The following STK33 variants were observed in gnomAD, a reference collection of about 807,000 sequenced individuals.
STK33 encodes serine/threonine kinase 33.
In STK33, 52 loss-of-function variants were observed where a neutral mutation model predicts 58.0. The ratio of observed to expected loss-of-function variants is 0.90; its 90% CI spans 0.72 to 1.13. The LOEUF is 1.13. STK33 is among the 50% of genes most tolerant of loss of function. The probability of loss-of-function intolerance (pLI) is 0.00; values close to 1 mark genes in which losing one functional copy is unlikely to be tolerated. For synonymous variants in STK33, 215 were observed against 200.1 expected (o/e 1.07, Z -0.63); for missense variants, 630 against 604.2 (o/e 1.04, Z -0.45).
intron 1 of STK33, among the ~76,000 whole-genome samples, chr11:8,502,929 C>A (rs187298382): frequency 7.2e-4 from 110 of 152,200 alleles, no homozygotes; most frequent in African/African-American, 2.5e-3. Flanking sequence ...CAATGAGATA[C>A]CATTTCATAC....
intron 1 of STK33, among the ~76,000 whole-genome samples, chr11:8,484,306 A>G (rs143890700): frequency 8.7e-4 from 133 of 152,350 alleles, no homozygotes; most frequent in African/African-American, 2.4e-3. Flanking sequence ...TGGAGGCTTT[A>G]TTACTGTTGT....
At chr11:8,416,618 C>G (rs1409117475) in intron 14 of STK33, among the ~76,000 whole-genome samples, 2 of 152,158 alleles carry the variant, frequency 1.3e-5, no homozygotes, top group East Asian at 1.9e-4. Context: ...TATTTTGAAT[C>G]TGCATCTCTA....
At chr11:8,564,071 C>T (rs750174711) in intron 1 of STK33, among the ~76,000 whole-genome samples, 3 of 152,068 alleles carry the variant, frequency 2.0e-5, no homozygotes, top group Non-Finnish European at 2.9e-5. Context: ...TTTTCAGGAG[C>T]GGAGTGGCAT....
intron 14 of STK33, among the ~76,000 whole-genome samples, chr11:8,420,712 A>T (rs1162666560): frequency 6.6e-6 from 1 of 152,224 alleles, no homozygotes; most frequent in African/African-American, 2.4e-5. Flanking sequence ...AAAAAGGAAT[A>T]TTGACCAGGT....
rs773579735 is a variant in STK33, at chr11:8,392,449, C to T, written c.*61G>A. The T allele has an allele frequency of 9.4e-6, 15 of 1,592,406 alleles. No homozygotes were observed. Among genetic ancestry groups the T allele is most frequent in the Non-Finnish European group, 1.2e-5 (14 of 1,163,676 alleles). ...GGGCTGTCTTCTTCCCCTCCTACCC[C>T]CTCATCAAAGTGCTAACAAGAGCAG... On this transcript the variant is annotated 3_prime_UTR_variant, in exon 16 of 16. Transcript: ENST00000687296.
At chr11:8,560,432 T>A (rs924624281) in intron 1 of STK33, among the ~76,000 whole-genome samples, 2 of 151,920 alleles carry the variant, frequency 1.3e-5, no homozygotes, top group African/African-American at 4.9e-5. Context: ...TGTTGACTTA[T>A]CAGTGATCCC....
chr11:8,413,716 G>C, intron 14 of STK33, 24 bp from the exon 15 acceptor site: 2 of 1,605,390 alleles, frequency 1.2e-6, no homozygotes, highest in East Asian at 2.2e-5. Flanking sequence ...TCAATTTTTG[G>C]TGTTATAAAC....
intron 10 of STK33, 45 bp from the exon 11 acceptor site, chr11:8,452,951 G>C (rs1197418970): frequency 2.0e-6 from 3 of 1,516,814 alleles, no homozygotes; most frequent in Non-Finnish European, 2.7e-6. Context: ...TCCTGTCCTA[G>C]AGCTCACTCA....
At chr11:8,520,475 T>C (rs1489536456) in intron 1 of STK33, among the ~76,000 whole-genome samples, 2 of 152,112 alleles carry the variant, frequency 1.3e-5, no homozygotes, top group Non-Finnish European at 2.9e-5. Flanking sequence ...TTTAACATAG[T>C]GTTGGAAGTT....
intron 1 of STK33, 110 bp downstream of exon 1, chr11:8,593,973 G>T (rs975516672): frequency 2.0e-5 from 3 of 152,242 alleles, no homozygotes; most frequent in Non-Finnish European, 4.4e-5. Context: ...ATACCCAGAG[G>T]CCCGTTTTTC....
chr11:8,468,882 T>C (rs891881295), intron 6 of STK33, among the ~76,000 whole-genome samples: 2 of 152,220 alleles, frequency 1.3e-5, no homozygotes, highest in East Asian at 1.9e-4. Flanking sequence ...ATAAAAGTTA[T>C]GTTTACACTA....
chr11:8,436,158 C>A lies in STK33; in HGVS notation c.948-19G>T. 1 of 1,439,630 alleles carries A rather than the reference C, an allele frequency of 6.9e-7. No homozygotes were observed. 89.2% of individuals were successfully genotyped at this position (1,439,630 alleles called of 1,614,324 possible). ...ACGTAATCTGCAACAAAGGCAATCA[C>A]TTTGTTTAAATTTTTTAAATAATAA... On this transcript the variant is annotated intron_variant, in intron 12 of 15. Transcript: ENST00000687296.
the STK33 span, among the ~76,000 whole-genome samples, chr11:8,371,727 T>TC: frequency 7.9e-6 from 1 of 126,812 alleles, no homozygotes; most frequent in Non-Finnish European, 1.8e-5. Context: ...TTCCCTCCCT[T>TC]CTTCTCTCCC....
At chr11:8,565,201 C>T (rs950363828) in intron 1 of STK33, among the ~76,000 whole-genome samples, 8 of 152,116 alleles carry the variant, frequency 5.3e-5, no homozygotes, top group Non-Finnish European at 1.0e-4. Context: ...GATGGATTCG[C>T]CACCATCTAA....
chr11:8,580,728 G>A (rs2030007674), intron 1 of STK33: 2 of 152,086 alleles, frequency 1.3e-5, no homozygotes, highest in South Asian at 4.2e-4. Flanking sequence ...AGTATCTCAT[G>A]TATCCTATAA....
chr11:8,565,651 T>A (rs1159699332), intron 1 of STK33: 1 of 152,242 alleles, frequency 6.6e-6, no homozygotes, highest in Non-Finnish European at 1.5e-5. Context: ...GCACAGTGCC[T>A]GGCACATAAA....
At chr11:8,402,817 C>G (rs940626201) in intron 15 of STK33, among the ~76,000 whole-genome samples, 1 of 152,160 alleles carries the variant, frequency 6.6e-6, no homozygotes, top group South Asian at 2.1e-4. Context: ...GAAACATGAA[C>G]AAATCTTAAT....
intron 9 of STK33, among the ~76,000 whole-genome samples, chr11:8,456,279 C>A (rs1946852144): frequency 1.3e-5 from 2 of 152,152 alleles, no homozygotes; most frequent in African/African-American, 2.4e-5. Context: ...TTCCTCAGAT[C>A]AAATATTGCT....
intron 14 of STK33, among the ~76,000 whole-genome samples, chr11:8,414,306 T>G (rs888074624): frequency 1.3e-5 from 2 of 152,190 alleles, no homozygotes; most frequent in Admixed American, 1.3e-4. Flanking sequence ...TTATATTAAC[T>G]GTATTTTCCC....
Sources: gnomAD v4.1 joint callset for allele counts (sites outside exome capture counted in the v4.1 genomes callset) on GRCh38, gnomAD v4.1.1 for gene constraint, MANE v1.5 for transcripts, NCBI Gene and HGNC (gene_info 2026-07-23, HGNC 2026-07-21) for gene names.